ADGRB3: variants seen among roughly 807,000 people sequenced by gnomAD.
The protein encoded by ADGRB3 is adhesion G protein-coupled receptor B3, also known as brain-specific angiogenesis inhibitor 3.
In ADGRB3, 37 loss-of-function variants were observed where a neutral mutation model predicts 193.4. That is an observed-to-expected ratio of 0.19 (90% CI 0.15 to 0.25). ADGRB3 has a LOEUF of 0.25. Ranked by LOEUF, ADGRB3 falls within the 10% of genes least tolerant of loss-of-function variation. The pLI, the probability that ADGRB3 is intolerant of heterozygous loss-of-function variation, is 1.00. For synonymous variants in ADGRB3, 690 were observed against 644.2 expected, an observed-to-expected ratio of 1.07 and a Z score of -1.08; for missense variants, 1,637 against 1,852.9, an observed-to-expected ratio of 0.88 and a Z score of 2.14.
intron 17 of ADGRB3, chr6:69,232,387 C>A (rs1192697349): frequency 1.9e-5 from 27 of 1,414,618 alleles, no homozygotes; most frequent in Non-Finnish European, 2.4e-5. Flanking sequence ...TATTGTTCTG[C>A]TGGGGTGGGA....
chr6:69,345,715 C>T (rs1026838359), intron 26 of ADGRB3, among the ~76,000 whole-genome samples: 2 of 152,126 alleles, frequency 1.3e-5, no homozygotes, highest in Non-Finnish European at 2.9e-5. Flanking sequence ...TGCCCTCTCT[C>T]ACCACTCCTA....
intron 23 of ADGRB3, chr6:69,332,661 G>A (rs969870932): frequency 4.1e-5 from 40 of 985,232 alleles, no homozygotes; most frequent in Non-Finnish European, 4.0e-5. Flanking sequence ...TTAAAATTCA[G>A]GCAATTGAAG....
chr6:68,950,968 A>G (rs1005241775), intron 6 of ADGRB3, among the ~76,000 whole-genome samples: 6 of 152,244 alleles, frequency 3.9e-5, no homozygotes, highest in Middle Eastern at 3.4e-3. Context: ...CATGGCCTAT[A>G]GGGCCCTATA....
At chr6:69,298,431 T>C (rs963488242) in intron 20 of ADGRB3, among the ~76,000 whole-genome samples, 4 of 152,200 alleles carry the variant, frequency 2.6e-5, no homozygotes, top group East Asian at 3.9e-4. Flanking sequence ...AAATATACAA[T>C]AAATTATTGT....
At chr6:69,249,529 ACT>A (rs1250255894) in intron 20 of ADGRB3, among the ~76,000 whole-genome samples, 1 of 152,092 alleles carries the variant, frequency 6.6e-6, no homozygotes, top group Non-Finnish European at 1.5e-5. Context: ...TATTAGAGAA[ACT>A]CTTTCATCTG....
intron 20 of ADGRB3, among the ~76,000 whole-genome samples, chr6:69,323,415 G>T (rs1424889213): frequency 6.6e-6 from 1 of 151,954 alleles, no homozygotes; most frequent in Non-Finnish European, 1.5e-5. Flanking sequence ...AAGTCTTAAT[G>T]TGTCAAGAAT....
intron 20 of ADGRB3, among the ~76,000 whole-genome samples, chr6:69,297,907 A>G (rs1168318668): frequency 6.6e-5 from 10 of 152,094 alleles, no homozygotes; most frequent in African/African-American, 2.4e-4. Flanking sequence ...TGGCCTTACA[A>G]AGACAGAGCT....
intron 17 of ADGRB3, among the ~76,000 whole-genome samples, chr6:69,221,613 AAAAG>A (rs1765895841): frequency 6.6e-6 from 1 of 152,178 alleles, no homozygotes. Context: ...GGCCTCTTAC[AAAAG>A]AGGTCCTTCT....
rs182736979 is a variant in ADGRB3, at chr6:69,332,084, T to C, written c.3103-839T>C. 199 of 985,392 alleles carry C rather than the reference T, an allele frequency of 2.0e-4. 1 individual carries two copies. In the African/African-American group the frequency reaches 3.2e-3, roughly 16 times the overall value. 61.0% of individuals were successfully genotyped at this position (985,392 alleles called of 1,614,324 possible). ...GGCCAGAAAGGCAAAAAGAAGAACA[T>C]ATTTTTCATTTACTCATTGGACTGG... is the stretch of plus-strand genomic sequence containing the variant. On this transcript the variant is annotated intron_variant, in intron 23 of 31. Coordinates refer to ENST00000370598, the MANE Select transcript of ADGRB3 (RefSeq NM_001704.3).
chr6:68,678,505 C>T (rs1333624157), intron 3 of ADGRB3, among the ~76,000 whole-genome samples: 15 of 152,110 alleles, frequency 9.9e-5, no homozygotes, highest in Admixed American at 8.5e-4. Flanking sequence ...GCTTGTGATC[C>T]TTGCTTTAGA....
At chr6:69,355,545 A>C (rs149319760) in intron 27 of ADGRB3, among the ~76,000 whole-genome samples, 1,623 of 152,324 alleles carry the variant, frequency 0.011, 13 homozygotes, top group Middle Eastern at 0.078. Context: ...TCCTTCTAAT[A>C]TATAGTAATC....
chr6:68,953,566 A>T (rs1234174673), intron 6 of ADGRB3, among the ~76,000 whole-genome samples: 1 of 152,216 alleles, frequency 6.6e-6, no homozygotes, highest in African/African-American at 2.4e-5. Flanking sequence ...GGGGAAATAG[A>T]TAATTTATAA....
At chr6:69,353,012 A>G (rs1291689376) in intron 26 of ADGRB3, among the ~76,000 whole-genome samples, 1 of 152,234 alleles carries the variant, frequency 6.6e-6, no homozygotes, top group Non-Finnish European at 1.5e-5. Context: ...TGAAGTTAGA[A>G]AAACAAAGTA....
At chr6:69,207,715 G>C (rs894311685) in intron 17 of ADGRB3, among the ~76,000 whole-genome samples, 1 of 152,166 alleles carries the variant, frequency 6.6e-6, no homozygotes, top group African/African-American at 2.4e-5. Context: ...TATCTATCCA[G>C]CTGCTTCAAG....
chr6:68,866,954 A>G (rs994930126), intron 3 of ADGRB3, among the ~76,000 whole-genome samples: 12 of 152,172 alleles, frequency 7.9e-5, no homozygotes, highest in African/African-American at 2.9e-4. Flanking sequence ...TGAAATTGGA[A>G]CTTATGTTCA....
chr6:69,338,818 G>T, intron 24 of ADGRB3, 98 bp from the exon 25 acceptor site: 2 of 943,710 alleles, frequency 2.1e-6, no homozygotes, highest in Non-Finnish European at 3.4e-6. Context: ...ATACTTTTCT[G>T]CATGAAATCG....
intron 3 of ADGRB3, among the ~76,000 whole-genome samples, chr6:68,735,635 G>T (rs1765856279): frequency 6.6e-6 from 1 of 151,988 alleles, no homozygotes; most frequent in East Asian, 1.9e-4. Flanking sequence ...AGGTTATAAT[G>T]AAATTATGAG....
intron 13 of ADGRB3, among the ~76,000 whole-genome samples, chr6:69,039,293 A>G (rs537958434): frequency 6.6e-6 from 1 of 152,158 alleles, no homozygotes; most frequent in Non-Finnish European, 1.5e-5. Flanking sequence ...AAGATCTATG[A>G]TAAGAATGAA....
At chr6:68,856,799 A>G (rs1273491599) in intron 3 of ADGRB3, among the ~76,000 whole-genome samples, 1 of 152,176 alleles carries the variant, frequency 6.6e-6, no homozygotes, top group Non-Finnish European at 1.5e-5. Context: ...AATGGGGAAA[A>G]TGTCTCCAGG....
Sources: allele counts gnomAD v4.1 joint callset (sites outside exome capture counted in the v4.1 genomes callset), GRCh38; gene constraint gnomAD v4.1.1; transcripts MANE v1.5; gene names NCBI Gene and HGNC (gene_info 2026-07-23, HGNC 2026-07-21).